SLC35F4: variants seen among roughly 807,000 people sequenced by gnomAD.
The protein encoded by SLC35F4 is chromosome 14 open reading frame 36.
In SLC35F4, 24 loss-of-function variants were observed where a neutral mutation model predicts 44.2. That is an observed-to-expected ratio of 0.54 (90% CI 0.39 to 0.76). The LOEUF (loss-of-function observed/expected upper bound fraction) is 0.76. Ranked by LOEUF, SLC35F4 falls within the 30% of genes least tolerant of loss-of-function variation. The pLI is 0.00. For missense variants in SLC35F4, 562 were observed against 586.1 expected (o/e 0.96, Z 0.42); for synonymous variants, 238 against 223.6 (o/e 1.06, Z -0.57).
At chr14:57,639,595 C>A (rs559662016) in intron 1 of SLC35F4, among the ~76,000 whole-genome samples, 2 of 151,910 alleles carry the variant, frequency 1.3e-5, no homozygotes, top group South Asian at 4.2e-4. Flanking sequence ...GAGTGAAGCT[C>A]CCATAATTCC....
At chr14:57,828,601 A>G (rs750359636) in intron 1 of SLC35F4, among the ~76,000 whole-genome samples, 39 of 152,314 alleles carry the variant, frequency 2.6e-4, no homozygotes, top group Admixed American at 4.6e-4. Flanking sequence ...AATTTAATGT[A>G]AACAGCCTGT....
intron 4 of SLC35F4, among the ~76,000 whole-genome samples, chr14:57,576,385 C>T (rs1030520218): frequency 2.0e-5 from 3 of 152,144 alleles, no homozygotes; most frequent in Admixed American, 6.5e-5. Context: ...TCTCAGACCA[C>T]ACTGCTGGCA....
At position 57,569,900 on chromosome 14, in the gene SLC35F4, C is replaced by A. The variant is rs1270133863; in HGVS notation, c.1014G>T (p.Leu338Phe). 1 of 1,612,496 alleles carries A rather than the reference C, an allele frequency of 6.2e-7. No individual in the cohort carries two copies. Among genetic ancestry groups the A allele is most frequent in the African/African-American group, 1.3e-5 (1 of 74,886 alleles). ...HFVSTLGFFN[L>F]IFISFTPVIL... ...TGACTGGGGTGAAGGAGATGAAGAT[C>A]AAATTGAAGAAACCCAAGGTGGAGA... Residue 338 changes from leucine (L) to phenylalanine (F), a missense_variant, in exon 6 of 8, where the codon TTG becomes TTT. By Grantham distance (22) the Leu-to-Phe change is conservative. Coordinates refer to ENST00000556826, the MANE Select transcript of SLC35F4 (RefSeq NM_001306087.2).
chr14:57,886,925 A>G (rs1207717954), intron 1 of SLC35F4, among the ~76,000 whole-genome samples: 1 of 152,194 alleles, frequency 6.6e-6, no homozygotes, highest in East Asian at 1.9e-4. Context: ...AGCCTGAAAA[A>G]CATCCCATGT....
At chr14:57,725,606 G>C (rs995478629) in intron 1 of SLC35F4, among the ~76,000 whole-genome samples, 4 of 152,208 alleles carry the variant, frequency 2.6e-5, no homozygotes, top group African/African-American at 9.6e-5. Context: ...AAGTGTGGCA[G>C]TCAGCTCATC....
At chr14:57,773,316 T>C (rs560603594) in intron 1 of SLC35F4, among the ~76,000 whole-genome samples, 2 of 152,236 alleles carry the variant, frequency 1.3e-5, no homozygotes, top group African/African-American at 4.8e-5. Flanking sequence ...ACTGTACACA[T>C]ATACATAACT....
At chr14:57,964,991 A>ATAT (rs1279192848) in intron 1 of SLC35F4, among the ~76,000 whole-genome samples, 50 of 115,658 alleles carry the variant, frequency 4.3e-4, no homozygotes, top group African/African-American at 8.1e-4. Context: ...AAAAAAAAAA[A>ATAT]ATATATATAT....
intron 1 of SLC35F4, among the ~76,000 whole-genome samples, chr14:57,723,033 G>C (rs569073482): frequency 1.3e-5 from 2 of 152,302 alleles, no homozygotes; most frequent in South Asian, 4.1e-4. Flanking sequence ...CTGGGGAAAA[G>C]GGAAATGCAG....
chr14:57,602,474 T>A (rs1435482452), intron 1 of SLC35F4: 3 of 152,222 alleles, frequency 2.0e-5, no homozygotes, highest in African/African-American at 4.8e-5. Flanking sequence ...GGAGCTGGAA[T>A]GTCTCCTTTT....
At chr14:57,819,880 A>T (rs116657960) in intron 1 of SLC35F4, among the ~76,000 whole-genome samples, 2,919 of 152,150 alleles carry the variant, frequency 0.019, 85 homozygotes, top group African/African-American at 0.065. Flanking sequence ...CTTCTTATAA[A>T]TCTACAGTAC....
intron 1 of SLC35F4, among the ~76,000 whole-genome samples, chr14:57,716,692 C>T (rs968378463): frequency 2.0e-5 from 3 of 152,098 alleles, no homozygotes; most frequent in Non-Finnish European, 4.4e-5. Context: ...TTAGGGTAAT[C>T]AGCATATTCA....
At chr14:57,784,489 G>A (rs904316982) in intron 1 of SLC35F4, among the ~76,000 whole-genome samples, 1 of 152,136 alleles carries the variant, frequency 6.6e-6, no homozygotes, top group Admixed American at 6.6e-5. Flanking sequence ...GTCAAGACCA[G>A]CCTGGGCTAC....
chr14:57,959,551 C>T (rs576374657), intron 1 of SLC35F4, among the ~76,000 whole-genome samples: 1 of 152,278 alleles, frequency 6.6e-6, no homozygotes, highest in South Asian at 2.1e-4. Context: ...AAATGCATGG[C>T]TGAATTCAGC....
At chr14:57,965,976 T>C (rs1339841770) in intron 1 of SLC35F4, among the ~76,000 whole-genome samples, 1 of 152,200 alleles carries the variant, frequency 6.6e-6, no homozygotes, top group Non-Finnish European at 1.5e-5. Context: ...ACAAAGCATT[T>C]GGCAGCAGTA....
chr14:57,806,199 T>C (rs185421584), intron 1 of SLC35F4, among the ~76,000 whole-genome samples: 72 of 152,310 alleles, frequency 4.7e-4, no homozygotes, highest in Admixed American at 1.7e-3. Flanking sequence ...AATAGAGATA[T>C]CTGATCTTCA....
chr14:57,813,503 T>A (rs904444659), intron 1 of SLC35F4, among the ~76,000 whole-genome samples: 17 of 152,178 alleles, frequency 1.1e-4, no homozygotes, highest in African/African-American at 4.1e-4. Flanking sequence ...GGCAGAAGAA[T>A]TGCTTGAACC....
intron 1 of SLC35F4, among the ~76,000 whole-genome samples, chr14:57,783,627 C>A (rs1012352872): frequency 6.6e-6 from 1 of 152,142 alleles, no homozygotes; most frequent in African/African-American, 2.4e-5. Context: ...CAATAAGAAC[C>A]ATTTTTCTGG....
intron 1 of SLC35F4, among the ~76,000 whole-genome samples, chr14:57,703,245 T>C (rs1394829936): frequency 6.6e-6 from 1 of 152,186 alleles, no homozygotes; most frequent in Non-Finnish European, 1.5e-5. Flanking sequence ...TGGCATGTAA[T>C]ACATGCTTGA....
intron 4 of SLC35F4, among the ~76,000 whole-genome samples, chr14:57,580,210 C>A (rs761988310): frequency 6.6e-6 from 1 of 152,148 alleles, no homozygotes; most frequent in Non-Finnish European, 1.5e-5. Flanking sequence ...GTCTAACTAA[C>A]TGTTTTCTTA....
Sources: allele counts gnomAD v4.1 joint callset (sites outside exome capture counted in the v4.1 genomes callset), GRCh38; gene constraint gnomAD v4.1.1; transcripts MANE v1.5; gene names NCBI Gene and HGNC (gene_info 2026-07-23, HGNC 2026-07-21).